RAP1GDS1: variants seen among roughly 807,000 people sequenced by gnomAD.
RAP1GDS1 encodes RAP1, GTP-GDP dissociation stimulator 1.
Under a neutral mutation model 71.1 loss-of-function variants are expected in RAP1GDS1, and 35 were observed. The ratio of observed to expected loss-of-function variants is 0.49; its 90% CI spans 0.38 to 0.65. RAP1GDS1 has a LOEUF of 0.65. Ranked by LOEUF, RAP1GDS1 falls within the 30% of genes least tolerant of loss-of-function variation. The pLI, the probability that RAP1GDS1 is intolerant of heterozygous loss-of-function variation, is 0.00. For missense variants in RAP1GDS1, 663 were observed against 706.1 expected, an observed-to-expected ratio of 0.94 and a Z score of 0.69; for synonymous variants, 229 against 243.1, an observed-to-expected ratio of 0.94 and a Z score of 0.54.
Position 98,264,292 on chromosome 4 carries a change from A to T in RAP1GDS1, c.4+2723A>T, listed in dbSNP as rs1722420390. 2.0e-5 allele frequency among the ~76,000 whole-genome samples: 3 copies of T among 152,098 alleles called. No individual in the cohort carries two copies. The South Asian group carries it at 6.2e-4, about 32-fold the overall frequency. Reference sequence around the variant, plus strand: ...GCGCCTGTAATCCCAGCTGTTTGGGAGGCTGAGGCAGGAGAATCACTTGAA... The same window carrying T: ...GCGCCTGTAATCCCAGCTGTTTGGGTGGCTGAGGCAGGAGAATCACTTGAA... On this transcript the variant is annotated intron_variant, in intron 1 of 14. Transcript: ENST00000408927.
intron 12 of RAP1GDS1, 72 bp from the exon 13 acceptor site, chr4:98,433,864 T>C: frequency 7.0e-7 from 1 of 1,436,334 alleles, no homozygotes. Context: ...CAACAATGAG[T>C]TGACTGATTT....
intron 2 of RAP1GDS1, among the ~76,000 whole-genome samples, chr4:98,332,296 G>T (rs887754777): frequency 6.6e-6 from 1 of 152,188 alleles, no homozygotes; most frequent in Non-Finnish European, 1.5e-5. Context: ...AGCAGCCTGA[G>T]AAATTTCCTG....
intron 2 of RAP1GDS1, among the ~76,000 whole-genome samples, chr4:98,342,281 A>C (rs759610201): frequency 7.2e-5 from 11 of 152,198 alleles, no homozygotes; most frequent in Non-Finnish European, 1.5e-4. Flanking sequence ...CCAAGAATCT[A>C]AAGGACATAG....
intron 2 of RAP1GDS1, chr4:98,296,768 C>T: frequency 5.2e-6 from 1 of 193,746 alleles, no homozygotes; most frequent in South Asian, 7.6e-5. Context: ...ATTTTCATCC[C>T]CAAACATTAA....
chr4:98,358,523 C>A (rs1738263696), intron 4 of RAP1GDS1, among the ~76,000 whole-genome samples: 1 of 151,862 alleles, frequency 6.6e-6, no homozygotes. Flanking sequence ...TTCTGGTTTC[C>A]ATTCATTGTA....
chr4:98,293,387 T>TC, intron 1 of RAP1GDS1, 21 bp from the exon 2 acceptor site: 1 of 821,856 alleles, frequency 1.2e-6, no homozygotes, highest in Non-Finnish European at 1.7e-6. Flanking sequence ...GAGTTTCTGA[T>TC]TTTTTTTTTT....
At chr4:98,362,921 G>A (rs1308960867) in intron 4 of RAP1GDS1, among the ~76,000 whole-genome samples, 1 of 152,168 alleles carries the variant, frequency 6.6e-6, no homozygotes, top group Non-Finnish European at 1.5e-5. Flanking sequence ...AGGGGACACT[G>A]CCTGTGATGG....
chr4:98,301,186 A>AT lies in RAP1GDS1; in HGVS notation c.112+7680dup, dbSNP rs532179176. ...TTTGCGAACTGAATTCATTATTATT[A>AT]TTTTTTTTTACCTTCTTTACTTTTT... On this transcript the variant is annotated intron_variant, in intron 2 of 14. Transcript: ENST00000408927. Among the ~76,000 whole-genome samples, 673 of 150,284 alleles carry AT rather than the reference A, an allele frequency of 4.5e-3. 4 individuals carry two copies. Among genetic ancestry groups the AT allele is most frequent in the African/African-American group, 0.015 (620 of 40,906 alleles).
chr4:98,360,251 T>C (rs896832488), intron 4 of RAP1GDS1, among the ~76,000 whole-genome samples: 4 of 152,162 alleles, frequency 2.6e-5, no homozygotes, highest in African/African-American at 7.2e-5. Context: ...ATTTTATAGA[T>C]ACGAAAGTAG....
chr4:98,329,001 T>G (rs894297802), intron 2 of RAP1GDS1, among the ~76,000 whole-genome samples: 1 of 152,256 alleles, frequency 6.6e-6, no homozygotes, highest in African/African-American at 2.4e-5. Flanking sequence ...GTGACACTTT[T>G]TACTCACTCA....
chr4:98,301,381 G>A (rs2110296745), intron 2 of RAP1GDS1, among the ~76,000 whole-genome samples: 1 of 152,188 alleles, frequency 6.6e-6, no homozygotes, highest in East Asian at 1.9e-4. Flanking sequence ...GACAATTCCT[G>A]ATGGGTTGAG....
chr4:98,300,891 A>G (rs1464820428), intron 2 of RAP1GDS1, among the ~76,000 whole-genome samples: 2 of 152,192 alleles, frequency 1.3e-5, no homozygotes, highest in Admixed American at 6.5e-5. Flanking sequence ...GTCTAGCAGT[A>G]AAAACTTTTG....
Position 98,343,278 on chromosome 4 carries a change from G to T in RAP1GDS1, c.235+17G>T. 6.3e-6 allele frequency: 10 copies of T among 1,580,504 alleles called. No homozygotes were observed. Among genetic ancestry groups the T allele is most frequent in the Middle Eastern group, 1.7e-4 (1 of 6,012 alleles). On this transcript the variant is annotated intron_variant, in intron 3 of 14. Coordinates refer to ENST00000408927, the MANE Select transcript of RAP1GDS1 (RefSeq NM_001100427.2). The stretch of plus-strand genomic sequence containing the variant: ...CCAAAAATGGTGAGGTTTACCTCAA[G>T]AACTTTTCTGCTGGGAACGTCTTCA...
At chr4:98,320,392 C>G (rs1251899351) in intron 2 of RAP1GDS1, among the ~76,000 whole-genome samples, 1 of 152,154 alleles carries the variant, frequency 6.6e-6, no homozygotes, top group Non-Finnish European at 1.5e-5. Flanking sequence ...TTGAAAATGT[C>G]CCCGTTACGT....
chr4:98,280,753 T>G (rs1283688403), intron 1 of RAP1GDS1, among the ~76,000 whole-genome samples: 2 of 152,236 alleles, frequency 1.3e-5, no homozygotes, highest in African/African-American at 2.4e-5. Flanking sequence ...GTCTAACATT[T>G]AAGTCTTTAA....
intron 1 of RAP1GDS1, among the ~76,000 whole-genome samples, chr4:98,263,083 A>G (rs765133666): frequency 5.3e-5 from 8 of 152,204 alleles, no homozygotes; most frequent in Admixed American, 1.3e-4. Context: ...CAAGCTGTAT[A>G]TTTCCGTCGA....
chr4:98,379,326 T>A, intron 5 of RAP1GDS1, 163 bp downstream of exon 5: 2 of 816,210 alleles, frequency 2.5e-6, no homozygotes, highest in Non-Finnish European at 3.5e-6. Flanking sequence ...TTCAAAAATG[T>A]AAAATGGTTA....
At position 98,324,872 on chromosome 4, in the gene RAP1GDS1, A is replaced by G. The variant is rs184852587; in HGVS notation, c.113-18267A>G. ...GTACATAAGCGTGGGCAAGGACTTCATGTCCAAAACACCAAAAGCAATGGC... is the reference window on the plus strand; with the variant it reads ...GTACATAAGCGTGGGCAAGGACTTCGTGTCCAAAACACCAAAAGCAATGGC... On this transcript the variant is annotated intron_variant, in intron 2 of 14. Transcript: ENST00000408927. Among the ~76,000 whole-genome samples, 1,201 of 152,278 alleles carry G rather than the reference A, an allele frequency of 7.9e-3. 14 individuals are homozygous for G. The highest frequency in any genetic ancestry group is 0.028 in the African/African-American group (1,149 of 41,524).
chr4:98,409,791 A>G (rs1024928495), intron 7 of RAP1GDS1: 11 of 379,928 alleles, frequency 2.9e-5, no homozygotes, highest in African/African-American at 2.2e-4. Context: ...AAAGGCTTCT[A>G]GACTATTAAA....
Sources: gnomAD v4.1 joint callset for allele counts (sites outside exome capture counted in the v4.1 genomes callset) on GRCh38, gnomAD v4.1.1 for gene constraint, MANE v1.5 for transcripts, NCBI Gene and HGNC (gene_info 2026-07-23, HGNC 2026-07-21) for gene names.